Variants in PRSS12 observed in about 807,000 individuals in gnomAD.
PRSS12 encodes serine protease 12, also known as neurotrypsin.
In PRSS12, 85 loss-of-function variants were observed where a neutral mutation model predicts 104.4. The ratio of observed to expected loss-of-function variants is 0.81; its 90% CI spans 0.68 to 0.98. The LOEUF is 0.98. Ranked by LOEUF, PRSS12 falls within the 50% of genes least tolerant of loss-of-function variation. PRSS12 has a pLI of 0.00. For missense variants in PRSS12, 1,141 were observed against 1,139.2 expected, an observed-to-expected ratio of 1.00 and a Z score of -0.02; for synonymous variants, 454 against 425.2, an observed-to-expected ratio of 1.07 and a Z score of -0.83.
At chr4:118,336,820 A>C (rs1020363174) in intron 2 of PRSS12, among the ~76,000 whole-genome samples, 3 of 152,196 alleles carry the variant, frequency 2.0e-5, no homozygotes, top group African/African-American at 7.2e-5. Flanking sequence ...ATCAGCCTAC[A>C]AATTTATTAC....
intron 1 of PRSS12, among the ~76,000 whole-genome samples, chr4:118,349,570 G>T (rs919987178): frequency 6.6e-6 from 1 of 152,186 alleles, no homozygotes. Flanking sequence ...ATGTGTATAT[G>T]TAAGTAAAGA....
intron 8 of PRSS12, among the ~76,000 whole-genome samples, chr4:118,301,021 CT>C (rs1396378247): frequency 2.0e-5 from 3 of 151,686 alleles, no homozygotes; most frequent in Admixed American, 6.6e-5. Context: ...TTTTATTCTA[CT>C]TTTTTCTATT....
Position 118,352,391 on chromosome 4 carries a change from C to T in PRSS12, c.330G>A (p.Leu110=). 6.5e-7 allele frequency: 1 copy of T among 1,546,128 alleles called. No homozygotes were observed. Residue 110 remains leucine, a synonymous_variant, in exon 1 of 13, where the codon CTG becomes CTA. Coordinates refer to ENST00000296498, the MANE Select transcript of PRSS12 (RefSeq NM_003619.4). ...GGAAGGGTGGCACCTCCGCCCACCGCAGACACGGGGCGCCGAAGTCCGTCA... is the reference window on the plus strand; with the variant it reads ...GGAAGGGTGGCACCTCCGCCCACCGTAGACACGGGGCGCCGAAGTCCGTCA... ...VSVTDFGAPC[L]RWAEVPPFLE... is the part of the protein sequence containing the mutation.
At position 118,341,257 on chromosome 4, in the gene PRSS12, G is replaced by A. The variant is rs557445814; in HGVS notation, c.503-2943C>T. ...AGACTACTTCTGAGGCCTTCATTTG[G>A]TGATATCATTTTCTGAGACCCAACA... On this transcript the variant is annotated intron_variant, in intron 1 of 12. Coordinates refer to ENST00000296498, the MANE Select transcript of PRSS12 (RefSeq NM_003619.4). Among the ~76,000 whole-genome samples the A allele has an allele frequency of 3.3e-5, 5 of 152,294 alleles. No homozygotes were observed. The South Asian group carries it at 1.0e-3, about 32-fold the overall frequency.
chr4:118,339,407 C>T (rs1464021475), intron 1 of PRSS12, among the ~76,000 whole-genome samples: 1 of 152,184 alleles, frequency 6.6e-6, no homozygotes, highest in African/African-American at 2.4e-5. Context: ...ATTAGATTCA[C>T]AAAGTATCCA....
chr4:118,330,357 C>T (rs971023521), intron 4 of PRSS12, among the ~76,000 whole-genome samples: 1 of 152,118 alleles, frequency 6.6e-6, no homozygotes, highest in African/African-American at 2.4e-5. Flanking sequence ...TAAACCTAAA[C>T]TCTAATTTTA....
intron 8 of PRSS12, among the ~76,000 whole-genome samples, chr4:118,299,899 T>G (rs1018068740): frequency 1.3e-5 from 2 of 148,474 alleles, no homozygotes; most frequent in Non-Finnish European, 3.0e-5. Flanking sequence ...GAGAATGGCT[T>G]GAACCCAGGA....
chr4:118,291,038 G>C (rs1743115186), intron 11 of PRSS12, among the ~76,000 whole-genome samples: 1 of 151,428 alleles, frequency 6.6e-6, no homozygotes, highest in Non-Finnish European at 1.5e-5. Context: ...ATAATGTCAA[G>C]CCCATTCACA....
At chr4:118,345,872 C>T (rs1374774787) in intron 1 of PRSS12, among the ~76,000 whole-genome samples, 1 of 152,220 alleles carries the variant, frequency 6.6e-6, no homozygotes, top group Admixed American at 6.5e-5. Context: ...TTCTGATCAA[C>T]AACTACCTTG....
intron 4 of PRSS12, among the ~76,000 whole-genome samples, chr4:118,322,807 T>C: frequency 6.6e-6 from 1 of 151,960 alleles, no homozygotes; most frequent in East Asian, 1.9e-4. Flanking sequence ...AGAAGCCCTA[T>C]GCCCTAGAGG....
intron 11 of PRSS12, 84 bp downstream of exon 11, chr4:118,294,855 C>A: frequency 6.4e-7 from 1 of 1,574,454 alleles, no homozygotes. Context: ...GGCTCTGACA[C>A]CTTGAGTGCT....
At chr4:118,318,933 C>T (rs143472801) in intron 4 of PRSS12, among the ~76,000 whole-genome samples, 286 of 152,240 alleles carry the variant, frequency 1.9e-3, no homozygotes, top group Middle Eastern at 0.01. Context: ...CCATTTAAAA[C>T]ATTTTTGGTT....
At chr4:118,289,272 G>A (rs1030749083) in intron 11 of PRSS12, among the ~76,000 whole-genome samples, 3 of 152,208 alleles carry the variant, frequency 2.0e-5, no homozygotes, top group Non-Finnish European at 4.4e-5. Flanking sequence ...TGGTAATAAC[G>A]ATCTATGCCT....
At chr4:118,343,393 T>C (rs1224159681) in intron 1 of PRSS12, among the ~76,000 whole-genome samples, 1 of 151,916 alleles carries the variant, frequency 6.6e-6, no homozygotes, top group Admixed American at 6.6e-5. Context: ...AGACCCTGTC[T>C]CAAAAAACAA....
At chr4:118,341,721 A>T (rs1724216449) in intron 1 of PRSS12, among the ~76,000 whole-genome samples, 1 of 152,042 alleles carries the variant, frequency 6.6e-6, no homozygotes, top group East Asian at 1.9e-4. Context: ...CAAAACTATA[A>T]CTTATTTCCT....
chr4:118,316,088 T>A, intron 6 of PRSS12, 94 bp downstream of exon 6: 1 of 1,390,828 alleles, frequency 7.2e-7, no homozygotes, highest in African/African-American at 1.4e-5. Context: ...CAGGTATTTT[T>A]ATTATTATAA....
At chr4:118,309,978 A>G (rs1743663510) in intron 7 of PRSS12, among the ~76,000 whole-genome samples, 1 of 152,150 alleles carries the variant, frequency 6.6e-6, no homozygotes, top group South Asian at 2.1e-4. Flanking sequence ...ACTTCATGGG[A>G]CAAGGCAGTA....
chr4:118,280,986 T>C lies in PRSS12; in HGVS notation c.*950A>G, dbSNP rs1314051273. The C allele has an allele frequency of 2.0e-5, 3 of 152,230 alleles. No individual in the cohort carries two copies. 9.4% of individuals were successfully genotyped at this position (152,230 alleles called of 1,614,324 possible). A position where few individuals can be genotyped will look rare whatever the true frequency, so the allele number is the denominator to read the frequency against. On this transcript the variant is annotated 3_prime_UTR_variant, in exon 13 of 13. Transcript: ENST00000296498. Reference sequence around the variant, plus strand: ...CATATGTTATAACTGCTGTATGTATTAGAACTTTTCAATGTGTAGGCCAGG... The same window carrying C: ...CATATGTTATAACTGCTGTATGTATCAGAACTTTTCAATGTGTAGGCCAGG...
At chr4:118,339,596 T>C (rs2126043291) in intron 1 of PRSS12, among the ~76,000 whole-genome samples, 1 of 152,302 alleles carries the variant, frequency 6.6e-6, no homozygotes, top group South Asian at 2.1e-4. Context: ...TACTGCCAAA[T>C]CCTGACTATT....
Sources: gnomAD v4.1 joint callset for allele counts (sites outside exome capture counted in the v4.1 genomes callset) on GRCh38, gnomAD v4.1.1 for gene constraint, MANE v1.5 for transcripts, NCBI Gene and HGNC (gene_info 2026-07-23, HGNC 2026-07-21) for gene names.